Variants in PRKG1 observed in about 807,000 individuals in gnomAD.
PRKG1 encodes protein kinase cGMP-dependent 1.
A neutral mutation model predicts 88.1 loss-of-function variants in PRKG1; 35 were observed. The ratio of observed to expected loss-of-function variants is 0.40; its 90% CI spans 0.30 to 0.53. The LOEUF (loss-of-function observed/expected upper bound fraction) is 0.53, where lower values mean the gene tolerates loss of function less well. Among genes scored for constraint, PRKG1 ranks in the 20% least tolerant of loss-of-function variants. The pLI is 0.59. For missense variants in PRKG1, 540 were observed against 839.8 expected (o/e 0.64, Z 4.41); for synonymous variants, 303 against 292.5 (o/e 1.04, Z -0.37).
chr10:51,602,418 G>C (rs1043745614), intron 3 of PRKG1, among the ~76,000 whole-genome samples: 1 of 151,914 alleles, frequency 6.6e-6, no homozygotes, highest in African/African-American at 2.4e-5. Flanking sequence ...GTTTTATCCT[G>C]TGTCACTTTG....
At chr10:51,504,987 G>C (rs1841152025) in intron 3 of PRKG1, among the ~76,000 whole-genome samples, 1 of 152,074 alleles carries the variant, frequency 6.6e-6, no homozygotes, top group Non-Finnish European at 1.5e-5. Flanking sequence ...TAATTGCCCT[G>C]GCCAGAACTT....
intron 9 of PRKG1, among the ~76,000 whole-genome samples, chr10:52,169,886 C>G (rs537157021): frequency 6.6e-6 from 1 of 152,126 alleles, no homozygotes; most frequent in South Asian, 2.1e-4. Context: ...TAAGACTGAG[C>G]AAGTGGTTCT....
At chr10:51,091,555 T>A (rs1482226875) in intron 1 of PRKG1, among the ~76,000 whole-genome samples, 5 of 152,200 alleles carry the variant, frequency 3.3e-5, no homozygotes, top group Admixed American at 6.5e-5. Flanking sequence ...TAAGGTTGTA[T>A]TTGGACCCAG....
At chr10:51,386,437 G>C (rs555411551) in intron 2 of PRKG1, among the ~76,000 whole-genome samples, 1 of 152,212 alleles carries the variant, frequency 6.6e-6, no homozygotes, top group South Asian at 2.1e-4. Flanking sequence ...AAGTAGGAGA[G>C]CTGATGATCT....
At chr10:51,022,256 G>C (rs1473367203) in intron 1 of PRKG1, among the ~76,000 whole-genome samples, 1 of 152,010 alleles carries the variant, frequency 6.6e-6, no homozygotes, top group African/African-American at 2.4e-5. Context: ...ATTGCATGGG[G>C]GCCTCAGGTC....
intron 3 of PRKG1, among the ~76,000 whole-genome samples, chr10:51,556,150 AG>A (rs1257785870): frequency 2.0e-5 from 3 of 152,008 alleles, no homozygotes; most frequent in Non-Finnish European, 4.4e-5. Flanking sequence ...ACAGTAAAGA[AG>A]TTTTTTTCTA....
intron 1 of PRKG1, among the ~76,000 whole-genome samples, chr10:51,098,450 AG>A (rs1844597823): frequency 6.6e-6 from 1 of 152,172 alleles, no homozygotes; most frequent in Non-Finnish European, 1.5e-5. Flanking sequence ...AGACTAATGC[AG>A]GTGGAGCAAG....
chr10:51,437,185 G>C (rs1255723639), intron 2 of PRKG1, among the ~76,000 whole-genome samples: 1 of 151,896 alleles, frequency 6.6e-6, no homozygotes, highest in Non-Finnish European at 1.5e-5. Context: ...AGTGTGATGA[G>C]AACTTAGAAT....
chr10:51,010,234 T>G (rs1157953262), intron 1 of PRKG1, among the ~76,000 whole-genome samples: 1 of 152,268 alleles, frequency 6.6e-6, no homozygotes, highest in African/African-American at 2.4e-5. Flanking sequence ...AATCATTCGC[T>G]CTACATTAAG....
chr10:51,814,170 A>C (rs10999594), intron 4 of PRKG1, among the ~76,000 whole-genome samples: 7,280 of 152,206 alleles, frequency 0.048, 396 homozygotes, highest in African/African-American at 0.12. Flanking sequence ...TGCTTAGGCT[A>C]TGCTCTGTGA....
intron 1 of PRKG1, among the ~76,000 whole-genome samples, chr10:51,093,643 T>A (rs1279718164): frequency 6.7e-6 from 1 of 149,942 alleles, no homozygotes; most frequent in African/African-American, 2.4e-5. Context: ...TTTTCACATT[T>A]TGTGAGGGTG....
At chr10:51,670,086 A>AT (rs1287012765) in intron 3 of PRKG1, among the ~76,000 whole-genome samples, 1 of 152,002 alleles carries the variant, frequency 6.6e-6, no homozygotes, top group Non-Finnish European at 1.5e-5. Context: ...GCTATATCTT[A>AT]TTTGTTAATT....
intron 2 of PRKG1, among the ~76,000 whole-genome samples, chr10:51,166,530 A>G (rs994261165): frequency 6.6e-6 from 1 of 152,224 alleles, no homozygotes; most frequent in African/African-American, 2.4e-5. Flanking sequence ...TAAAGAAACC[A>G]CAATGGTTTT....
intron 7 of PRKG1, among the ~76,000 whole-genome samples, chr10:52,104,308 A>T (rs1847365096): frequency 6.6e-6 from 1 of 152,058 alleles, no homozygotes; most frequent in Admixed American, 6.6e-5. Context: ...TTTAATTGTT[A>T]GAGACTATAT....
At chr10:52,039,921 C>T (rs966429505) in intron 5 of PRKG1, among the ~76,000 whole-genome samples, 6 of 152,208 alleles carry the variant, frequency 3.9e-5, no homozygotes, top group African/African-American at 1.4e-4. Context: ...GGGCAAAATC[C>T]TAAATGACTC....
At chr10:52,215,151 T>G (rs1421484516) in intron 9 of PRKG1, among the ~76,000 whole-genome samples, 1 of 151,990 alleles carries the variant, frequency 6.6e-6, no homozygotes, top group African/African-American at 2.4e-5. Context: ...TCCCTACACT[T>G]TGGGAGGTGG....
chr10:52,150,480 T>C (rs910046012), intron 8 of PRKG1, among the ~76,000 whole-genome samples: 4 of 152,144 alleles, frequency 2.6e-5, no homozygotes, highest in Non-Finnish European at 4.4e-5. Flanking sequence ...TCCTAATACA[T>C]GCTAGCTAGT....
intron 3 of PRKG1, among the ~76,000 whole-genome samples, chr10:51,580,987 G>C (rs946112679): frequency 1.3e-5 from 2 of 150,812 alleles, no homozygotes; most frequent in Non-Finnish European, 2.9e-5. Flanking sequence ...ACACGCACAA[G>C]ATAGTGAAAG....
At chr10:51,569,177 C>G (rs187050253) in intron 3 of PRKG1, among the ~76,000 whole-genome samples, 1 of 151,960 alleles carries the variant, frequency 6.6e-6, no homozygotes, top group African/African-American at 2.4e-5. Context: ...AGGATATAAC[C>G]ACCTACCATG....
Sources: allele counts gnomAD v4.1 joint callset (sites outside exome capture counted in the v4.1 genomes callset), GRCh38; gene constraint gnomAD v4.1.1; transcripts MANE v1.5; gene names NCBI Gene and HGNC (gene_info 2026-07-23, HGNC 2026-07-21).